The following LIN9 variants were observed in gnomAD, a reference collection of about 807,000 sequenced individuals.
LIN9 encodes the protein protein lin-9 homolog.
In LIN9, 18 loss-of-function variants were observed where a neutral mutation model predicts 78.0. The ratio of observed to expected loss-of-function variants is 0.23; its 90% CI spans 0.16 to 0.34. The LOEUF is 0.34. LIN9 is among the 10% of genes least tolerant of loss of function. The pLI is 1.00. For synonymous variants in LIN9, 192 were observed against 215.2 expected, an observed-to-expected ratio of 0.89 and a Z score of 0.94; for missense variants, 451 against 644.1, an observed-to-expected ratio of 0.70 and a Z score of 3.25.
Position 226,250,826 on chromosome 1 carries a change from GA to G in LIN9, c.1119+12del. 1 of 1,366,620 alleles carries G rather than the reference GA, an allele frequency of 7.3e-7. No individual in the cohort carries two copies. Among genetic ancestry groups the G allele is most frequent in the Non-Finnish European group, 1.0e-6 (1 of 973,054 alleles). The allele number at this position is 1,366,620 out of a possible 1,614,324, so 84.7% of individuals were successfully genotyped here. On this transcript the variant is annotated intron_variant, in intron 11 of 14. Transcript: ENST00000681046. ...AGACAAGCAAATGAAGAAAAAAAAA[GA>G]GAAATTCTTACCAATTTTTCTGCTT... is the stretch of plus-strand genomic sequence containing the variant.
At chr1:226,267,501 G>A (rs1445701280) in intron 8 of LIN9, among the ~76,000 whole-genome samples, 1 of 149,670 alleles carries the variant, frequency 6.7e-6, no homozygotes, top group Non-Finnish European at 1.5e-5. Context: ...AATAAATTAC[G>A]CAATTGTACT....
intron 3 of LIN9, among the ~76,000 whole-genome samples, chr1:226,296,684 A>T (rs1662168335): frequency 6.6e-6 from 1 of 152,106 alleles, no homozygotes; most frequent in Admixed American, 6.6e-5. Flanking sequence ...GGCGGCTAAC[A>T]ACATATGGGC....
At chr1:226,256,354 A>G (rs1053920813) in intron 10 of LIN9, among the ~76,000 whole-genome samples, 5 of 151,976 alleles carry the variant, frequency 3.3e-5, no homozygotes, top group African/African-American at 1.2e-4. Context: ...TCTTGCGTTG[A>G]GAAAAAAAAT....
At chr1:226,254,712 C>T (rs1291914410) in intron 10 of LIN9, among the ~76,000 whole-genome samples, 1 of 151,892 alleles carries the variant, frequency 6.6e-6, no homozygotes, top group Non-Finnish European at 1.5e-5. Context: ...GAGATCGAGA[C>T]CATCCTGGCT....
intron 7 of LIN9, among the ~76,000 whole-genome samples, chr1:226,275,343 G>A (rs770547841): frequency 2.0e-5 from 3 of 152,156 alleles, no homozygotes; most frequent in Admixed American, 1.3e-4. Flanking sequence ...CCTATAGGCC[G>A]TAAGTTTGCT....
chr1:226,265,398 C>A lies in LIN9; in HGVS notation c.1038+135G>T. On this transcript the variant is annotated intron_variant, in intron 10 of 14. Coordinates refer to ENST00000681046, the MANE Select transcript of LIN9 (RefSeq NM_001366245.2). This position sits in a 1 kb window ranked among gnomAD's most constrained non-coding sequence, Gnocchi z 4.1. The stretch of plus-strand genomic sequence containing the variant: ...GGTTTTTATAACTTTTATTTTCAGG[C>A]TTTGTTGGAAATAGCAGCTCTTAAA... 2.1e-6 allele frequency: 1 copy of A among 468,220 alleles called. No homozygotes were observed. The highest frequency in any genetic ancestry group is 3.8e-6 in the Non-Finnish European group (1 of 261,622). The allele number at this position is 468,220 out of a possible 1,614,324, so 29.0% of individuals were successfully genotyped here.
chr1:226,304,968 T>A (rs1204469880), intron 1 of LIN9, among the ~76,000 whole-genome samples: 3 of 151,928 alleles, frequency 2.0e-5, no homozygotes, highest in Non-Finnish European at 4.4e-5. Flanking sequence ...GGGGGCTAAA[T>A]GACTTGAGGG....
At chr1:226,266,179 A>T (rs749269331) in intron 9 of LIN9, 34 bp downstream of exon 9, 31 of 1,430,610 alleles carry the variant, frequency 2.2e-5, no homozygotes, top group Middle Eastern at 2.3e-4. Flanking sequence ...CATAAAAATC[A>T]ATTAAATTAT....
chr1:226,273,007 A>G lies in LIN9; in HGVS notation c.682+4768T>C, dbSNP rs185775358. ...TTGGGTCTGATCACCCCAACACACT[A>G]TGTAGCCCAGGCTAGTCTCAAACTC... On this transcript the variant is annotated intron_variant, in intron 7 of 14. Coordinates refer to ENST00000681046, the MANE Select transcript of LIN9 (RefSeq NM_001366245.2). Among the ~76,000 whole-genome samples, 274 of 152,170 alleles carry G rather than the reference A, an allele frequency of 1.8e-3. 1 individual carries two copies. Among genetic ancestry groups the G allele is most frequent in the African/African-American group, 6.4e-3 (266 of 41,512 alleles).
upstream of LIN9, chr1:226,309,664 C>T: frequency 1.6e-6 from 2 of 1,283,740 alleles, no homozygotes; most frequent in Non-Finnish European, 2.0e-6. Context: ...CCTCCGTCCC[C>T]TCACTTTTCC....
chr1:226,267,234 T>G (rs1262043740), intron 8 of LIN9, among the ~76,000 whole-genome samples: 1 of 81,590 alleles, frequency 1.2e-5, no homozygotes, highest in Non-Finnish European at 2.8e-5. Context: ...TAAGGAGATA[T>G]ATATATATAT....
chr1:226,259,072 T>C (rs1469077326), intron 10 of LIN9, among the ~76,000 whole-genome samples: 1 of 151,210 alleles, frequency 6.6e-6, no homozygotes, highest in African/African-American at 2.4e-5. Flanking sequence ...GCAATTCTCC[T>C]GTCTCAGCCT....
intron 7 of LIN9, among the ~76,000 whole-genome samples, chr1:226,269,698 TA>T (rs749556359): frequency 1.3e-5 from 2 of 152,020 alleles, no homozygotes; most frequent in Non-Finnish European, 2.9e-5. Flanking sequence ...TAGAGAGCCA[TA>T]AAAGGGCGGA....
intron 7 of LIN9, among the ~76,000 whole-genome samples, 162 bp downstream of exon 7, chr1:226,277,613 C>G (rs967318150): frequency 5.3e-5 from 8 of 152,106 alleles, no homozygotes; most frequent in Admixed American, 3.3e-4. Flanking sequence ...CAACCAGGCT[C>G]AGAGAGAGTT....
Position 226,233,422 on chromosome 1 carries a change from T to G in LIN9, c.1347A>C (p.Ser449=). 1 of 1,614,204 alleles carries G rather than the reference T, an allele frequency of 6.2e-7. No individual in the cohort carries two copies. The highest frequency in any genetic ancestry group is 2.2e-5 in the East Asian group (1 of 44,884). Residue 449 remains serine, a synonymous_variant, in exon 13 of 15, where the codon TCA becomes TCC. Transcript: ENST00000681046. ...CATTTTCAACGCAGGGCTGTCCTGT[T>G]GAGGAATTTGCATGCCGAACAATTT... ...AQEIVRHANS[S]TGQPCVENEN...
At position 226,232,582 on chromosome 1, in the gene LIN9, G is replaced by A; in HGVS notation, c.1548C>T (p.Ile516=). 2 of 1,607,620 alleles carry A rather than the reference G, an allele frequency of 1.2e-6. No individual in the cohort carries two copies. Among genetic ancestry groups the A allele is most frequent in the East Asian group, 4.5e-5 (2 of 44,728 alleles). The change falls in exon 15 of 15, where the codon ATC becomes ATT. Residue 516 remains isoleucine (I), a synonymous_variant. Transcript: ENST00000681046. The part of the protein sequence containing the change: ...NISCFQNNVE[I]HVAHIQSGLS... ...GGCCACTCTGAATATGTGCAACATG[G>A]ATTTCTACATTATTCTGAAAGCAAC...
intron 12 of LIN9, 30 bp downstream of exon 12, chr1:226,238,941 T>C: frequency 6.3e-7 from 1 of 1,590,260 alleles, no homozygotes; most frequent in South Asian, 1.1e-5. Flanking sequence ...CAAATACAAA[T>C]ATGGAGGGAA....
chr1:226,299,973 C>T (rs1662416139), intron 2 of LIN9, among the ~76,000 whole-genome samples: 1 of 151,368 alleles, frequency 6.6e-6, no homozygotes, highest in Non-Finnish European at 1.5e-5. Flanking sequence ...CTCTGTCACC[C>T]AGACTCCCAG....
rs201015210 is a variant in LIN9 at position 226,295,901 on chromosome 1, C to A, written c.205G>T (p.Asp69Tyr). The A allele has an allele frequency of 6.2e-7, 1 of 1,613,432 alleles. No homozygotes were observed. Among genetic ancestry groups the A allele is most frequent in the East Asian group, 2.2e-5 (1 of 44,848 alleles). ...GGTGACCTTGTATTTATTTGCCTAT[C>A]ATCTTCATCAGAAAAAAGTCGACTT... ...KRSRLFSDEDDRQINTRSPKR... is the reference protein window; with the variant it reads ...KRSRLFSDEDYRQINTRSPKR... The change falls in exon 4 of 15, where the codon GAT becomes TAT. Residue 69 changes from aspartate (D) to tyrosine (Y), a missense_variant. Physicochemically the swap from Asp to Tyr is radical, Grantham distance 160. Transcript: ENST00000681046.
Sources: gnomAD v4.1 joint callset for allele counts (sites outside exome capture counted in the v4.1 genomes callset) on GRCh38, gnomAD v4.1.1 for gene constraint, Gnocchi (gnomAD v3.1) non-coding constraint, MANE v1.5 for transcripts, NCBI Gene and HGNC (gene_info 2026-07-23, HGNC 2026-07-21) for gene names.